DNAH11: variants seen among roughly 807,000 people sequenced by gnomAD.
DNAH11 encodes the protein dynein axonemal heavy chain 11, also known as axonemal beta dynein heavy chain 11.
DNAH11 carries 442 observed loss-of-function variants against 526.0 expected under a neutral mutation model. That is an observed-to-expected ratio of 0.84 (90% CI 0.78 to 0.91). DNAH11 has a LOEUF of 0.91. Ranked by LOEUF, DNAH11 falls within the 40% of genes least tolerant of loss-of-function variation. The pLI is 0.00. For missense variants in DNAH11, 6,989 were observed against 5,448.7 expected (o/e 1.28, Z -8.90); for synonymous variants, 2,461 against 1,935.9 (o/e 1.27, Z -7.12).
chr7:21,657,368 G>A (rs1472635892), intron 29 of DNAH11, among the ~76,000 whole-genome samples: 2 of 152,140 alleles, frequency 1.3e-5, no homozygotes, highest in African/African-American at 4.8e-5. Context: ...AATGGAGGTA[G>A]CAATTGTTGT....
chr7:21,842,662 A>G lies in DNAH11; in HGVS notation c.10810A>G (p.Asn3604Asp). The G allele has an allele frequency of 1.2e-6, 2 of 1,613,908 alleles. No individual in the cohort carries two copies. The highest frequency in any genetic ancestry group is 1.7e-6 in the Non-Finnish European group (2 of 1,179,840). The change falls in exon 66 of 82, where the codon AAT becomes GAT. Residue 3604 changes from asparagine to aspartate, a missense_variant. Transcript: ENST00000409508. ...PELQAQTTLL[N>D]FTVTEDGLEA... ...ATTACAAGCTCAGACAACTCTCCTC[A>G]ATTTCACAGTCACAGAAGATGGTCT...
chr7:21,574,866 G>GTT (rs1784025117), intron 8 of DNAH11, among the ~76,000 whole-genome samples: 2 of 102,658 alleles, frequency 1.9e-5, no homozygotes, highest in African/African-American at 7.4e-5. Context: ...ACTGCACTGG[G>GTT]CTTTTTTTTT....
intron 17 of DNAH11, 63 bp from the exon 18 acceptor site, chr7:21,601,331 CTT>C: frequency 6.6e-7 from 1 of 1,506,210 alleles, no homozygotes; most frequent in Non-Finnish European, 9.0e-7. Context: ...AATCAGAAGT[CTT>C]ATACTGCTAA....
Position 21,741,998 on chromosome 7 carries a change from T to G in DNAH11, c.7986T>G (p.Phe2662Leu). The G allele has an allele frequency of 1.9e-6, 3 of 1,614,000 alleles. No individual in the cohort carries two copies. The highest frequency in any genetic ancestry group is 2.5e-6 in the Non-Finnish European group (3 of 1,179,862). Reference protein sequence around the residue: ...DALNTIYGQIFSFHFQQQAFA... With the variant: ...DALNTIYGQILSFHFQQQAFA... ...TAAACACCATCTATGGCCAAATCTT[T>G]AGCTTCCATTTCCAACAGCAAGCAT... The change falls in exon 49 of 82, where the codon TTT (phenylalanine) becomes TTG (leucine). Residue 2662 changes from phenylalanine (F) to leucine (L), a missense_variant. Coordinates refer to ENST00000409508, the MANE Select transcript of DNAH11 (RefSeq NM_001277115.2).
rs2128460316 is a variant in DNAH11 at position 21,639,030 on chromosome 7, C to G, written c.4909C>G (p.Leu1637Val). 6.2e-7 allele frequency: 1 copy of G among 1,613,622 alleles called. No individual in the cohort carries two copies. Among genetic ancestry groups the G allele is most frequent in the Non-Finnish European group, 8.5e-7 (1 of 1,179,690 alleles). The stretch of plus-strand genomic sequence containing the variant: ...CTATTTCGTCTCTTCTGCTGATTTA[C>G]TTGACATTCTCTCAAAAGGAGCTCA... ...RFYFVSSADL[L>V]DILSKGAQPK... is the part of the protein sequence containing the mutation. Residue 1637 changes from leucine to valine, a missense_variant, in exon 28 of 82, where the codon CTT becomes GTT. Coordinates refer to ENST00000409508, the MANE Select transcript of DNAH11 (RefSeq NM_001277115.2).
At chr7:21,720,655 G>A (rs935614168) in intron 43 of DNAH11, 70 bp from the exon 44 acceptor site, 6 of 1,463,386 alleles carry the variant, frequency 4.1e-6, no homozygotes, top group Non-Finnish European at 5.5e-6. Flanking sequence ...AAGTGGAGTT[G>A]TAAAAATATT....
At chr7:21,868,787 A>T in intron 72 of DNAH11, 77 bp from the exon 73 acceptor site, 1 of 1,581,300 alleles carries the variant, frequency 6.3e-7, no homozygotes, top group South Asian at 1.1e-5. Flanking sequence ...ACAGATGTGC[A>T]TTAGACCACA....
intron 70 of DNAH11, among the ~76,000 whole-genome samples, chr7:21,866,099 C>A (rs1243517452): frequency 6.6e-6 from 1 of 152,046 alleles, no homozygotes; most frequent in Non-Finnish European, 1.5e-5. Flanking sequence ...AATGCCTTAA[C>A]CTCCTAGGAA....
chr7:21,717,768 T>C lies in DNAH11; in HGVS notation c.6984-7T>C. On this transcript the variant is annotated splice_region_variant and splice_polypyrimidine_tract_variant and intron_variant, in intron 42 of 81. Coordinates refer to ENST00000409508, the MANE Select transcript of DNAH11 (RefSeq NM_001277115.2). ...TTCAATAAAAGCTTTTCTGTGTTCCTTTTCAGGTATGTGGCCAGTTGGATA... is the reference window on the plus strand; with the variant it reads ...TTCAATAAAAGCTTTTCTGTGTTCCCTTTCAGGTATGTGGCCAGTTGGATA... 3.1e-6 allele frequency: 5 copies of C among 1,613,534 alleles called. No individual in the cohort carries two copies. The highest frequency in any genetic ancestry group is 4.2e-6 in the Non-Finnish European group (5 of 1,179,664).
chr7:21,797,830 A>G (rs1445439676), intron 61 of DNAH11, among the ~76,000 whole-genome samples: 1 of 152,242 alleles, frequency 6.6e-6, no homozygotes, highest in Non-Finnish European at 1.5e-5. Flanking sequence ...ATTCAATGAA[A>G]AAAAGGAACC....
rs750124729 is a variant in DNAH11 at position 21,744,510 on chromosome 7, G to T, written c.8227G>T (p.Ala2743Ser). 5.6e-6 allele frequency: 9 copies of T among 1,613,876 alleles called. No individual in the cohort carries two copies. Among genetic ancestry groups the T allele is most frequent in the Non-Finnish European group, 6.8e-6 (8 of 1,179,822 alleles). The change falls in exon 50 of 82, where the codon GCC becomes TCC. Residue 2743 changes from alanine (A) to serine (S), a missense_variant. Physicochemically the swap from Ala to Ser is moderately conservative, Grantham distance 99. Transcript: ENST00000409508. ...DLIHLWLHES[A>S]RVYGDKLIDK... is the part of the protein sequence containing the mutation. ...AATACATCTGTGGCTTCATGAATCT[G>T]CCCGTGTTTATGGAGACAAACTGAT... is the stretch of plus-strand genomic sequence containing the variant.
intron 65 of DNAH11, among the ~76,000 whole-genome samples, chr7:21,818,957 C>T (rs1352195792): frequency 1.3e-5 from 2 of 152,072 alleles, no homozygotes; most frequent in Non-Finnish European, 2.9e-5. Context: ...AATATACTTT[C>T]CAGAACATTC....
intron 30 of DNAH11, among the ~76,000 whole-genome samples, chr7:21,665,852 A>G (rs6973754): frequency 0.11 from 16,322 of 152,168 alleles, 964 homozygotes; most frequent in African/African-American, 0.13. Flanking sequence ...TGTATATTAC[A>G]GAAGCTAACA....
At position 21,901,238 on chromosome 7, in the gene DNAH11, T is replaced by TGCTTCTAG; in HGVS notation, c.13536_13543dup (p.Glu4515GlyfsTer3). The stretch of plus-strand genomic sequence containing the variant: ...AAATGGGTTCTGGCTGGAGTGGCTC[T>TGCTTCTAG]GCTTCTAGAAGCGTAAGGTAACACT... On this transcript the variant is annotated frameshift_variant, in exon 82 of 82. Transcript: ENST00000409508. LOFTEE classifies it high-confidence loss of function. 1 of 1,607,480 alleles carries TGCTTCTAG rather than the reference T, an allele frequency of 6.2e-7. No individual in the cohort carries two copies. Among genetic ancestry groups the TGCTTCTAG allele is most frequent in the East Asian group, 2.2e-5 (1 of 44,520 alleles).
At chr7:21,615,530 T>C (rs1016685523) in intron 21 of DNAH11, among the ~76,000 whole-genome samples, 4 of 151,694 alleles carry the variant, frequency 2.6e-5, no homozygotes, top group African/African-American at 9.7e-5. Context: ...TTGGGGAGAT[T>C]GTAAAGAATA....
In DNAH11 at chr7:21,802,968, TAAA is replaced by T. The variant is rs544011862; in HGVS notation, c.10165+1697_10165+1699del. Among the ~76,000 whole-genome samples, 313 of 149,936 alleles carry T rather than the reference TAAA, an allele frequency of 2.1e-3. 1 individual carries two copies. Among genetic ancestry groups the T allele is most frequent in the African/African-American group, 7.3e-3 (297 of 40,594 alleles). On this transcript the variant is annotated intron_variant, in intron 62 of 81. Coordinates refer to ENST00000409508, the MANE Select transcript of DNAH11 (RefSeq NM_001277115.2). ...TATATAATATATATATATAATGTAG[TAAA>T]AAACACTGCTGTATATTTTAATGGG...
chr7:21,853,202 T>A (rs1197815668), intron 67 of DNAH11, among the ~76,000 whole-genome samples: 1 of 152,222 alleles, frequency 6.6e-6, no homozygotes, highest in Non-Finnish European at 1.5e-5. Flanking sequence ...ATGCCTTATG[T>A]GTGATGTGCA....
At chr7:21,784,258 A>G (rs1788077772) in intron 57 of DNAH11, among the ~76,000 whole-genome samples, 169 bp from the exon 58 acceptor site, 1 of 152,208 alleles carries the variant, frequency 6.6e-6, no homozygotes, top group Admixed American at 6.5e-5. Context: ...AAAACTTTGT[A>G]TATATACTAT....
rs1420547281 is a variant in DNAH11, at chr7:21,687,007, G to C, written c.5622-92G>C. On this transcript the variant is annotated intron_variant, in intron 32 of 81. Coordinates refer to ENST00000409508, the MANE Select transcript of DNAH11 (RefSeq NM_001277115.2). ...TTTTATGCTACTATCACATTCTAGAGCTTCTTAAACTTTTTTTCTAATGTA... is the reference window on the plus strand; with the variant it reads ...TTTTATGCTACTATCACATTCTAGACCTTCTTAAACTTTTTTTCTAATGTA... The C allele has an allele frequency of 8.2e-6, 10 of 1,226,930 alleles. No homozygotes were observed. In the Middle Eastern group the frequency reaches 6.9e-4, roughly 85 times the overall value. The allele number at this position is 1,226,930 out of a possible 1,614,324, so 76.0% of individuals were successfully genotyped here.
Sources: allele counts gnomAD v4.1 joint callset (sites outside exome capture counted in the v4.1 genomes callset), GRCh38; gene constraint gnomAD v4.1.1; transcripts MANE v1.5; gene names NCBI Gene and HGNC (gene_info 2026-07-23, HGNC 2026-07-21).